The following BTF3L4 variants were observed in gnomAD, a reference collection of about 807,000 sequenced individuals.
BTF3L4 encodes the protein transcription factor BTF3 homolog 4.
Under a neutral mutation model 16.8 loss-of-function variants are expected in BTF3L4, and 6 were observed. The ratio of observed to expected loss-of-function variants is 0.36; its 90% CI spans 0.20 to 0.71. The LOEUF is 0.71. BTF3L4 is among the 30% of genes least tolerant of loss of function. BTF3L4 has a pLI of 0.58. For synonymous variants in BTF3L4, 39 were observed against 59.8 expected (o/e 0.65, Z 1.60); for missense variants, 92 against 186.9 (o/e 0.49, Z 2.96).
At chr1:52,073,174 C>A (rs1240818122) in intron 3 of BTF3L4, among the ~76,000 whole-genome samples, 2 of 152,190 alleles carry the variant, frequency 1.3e-5, no homozygotes, top group South Asian at 2.1e-4. Context: ...ATCCTAGCTA[C>A]TCAGAAGGCT....
At chr1:52,084,188 G>A (rs910568516) in intron 4 of BTF3L4, among the ~76,000 whole-genome samples, 1 of 152,042 alleles carries the variant, frequency 6.6e-6, no homozygotes, top group African/African-American at 2.4e-5. Context: ...CTCCCAGGCT[G>A]AAGTGCAGTG....
At chr1:52,071,587 G>A (rs1023409043) in intron 3 of BTF3L4, among the ~76,000 whole-genome samples, 3 of 152,226 alleles carry the variant, frequency 2.0e-5, no homozygotes, top group Non-Finnish European at 4.4e-5. Flanking sequence ...AGGTGGGATT[G>A]TTCTGCAGTA....
chr1:52,059,817 C>T lies in BTF3L4; in HGVS notation c.-13-18C>T. ...CGGCAAAAGAGTGACTTTAACAAAT[C>T]TATTTTTCCCCCCCTAGATTTACCA... On this transcript the variant is annotated intron_variant, in intron 1 of 5. Transcript: ENST00000313334. The T allele has an allele frequency of 6.2e-7, 1 of 1,611,830 alleles. No individual in the cohort carries two copies. Among genetic ancestry groups the T allele is most frequent in the Non-Finnish European group, 8.5e-7 (1 of 1,178,494 alleles).
intron 3 of BTF3L4, chr1:52,065,267 C>CT (rs1040675648): frequency 2.7e-3 from 376 of 141,316 alleles, no homozygotes; most frequent in South Asian, 0.011. Context: ...TGAGATAGAC[C>CT]TTTTTTTTTT....
chr1:52,067,023 G>A (rs1686669113), intron 3 of BTF3L4, among the ~76,000 whole-genome samples: 1 of 152,064 alleles, frequency 6.6e-6, no homozygotes, highest in South Asian at 2.1e-4. Flanking sequence ...GATCTTCTGA[G>A]GTCAGGAGTT....
rs182076775 is a variant in BTF3L4, at chr1:52,084,095, G to A, written c.370+554G>A. Among the ~76,000 whole-genome samples the A allele has an allele frequency of 4.6e-3, 700 of 151,872 alleles. 5 individuals are homozygous for A. Among genetic ancestry groups the A allele is most frequent in the Non-Finnish European group, 7.4e-3 (503 of 67,946 alleles). ...AAGTTGAGAAGTAATTACCTAAAAG[G>A]GTAGTGCCCAGATCTTCAGGCCATA... On this transcript the variant is annotated intron_variant, in intron 4 of 5. Coordinates refer to ENST00000313334, the MANE Select transcript of BTF3L4 (RefSeq NM_152265.5).
chr1:52,072,044 G>GTT (rs1686803915), intron 3 of BTF3L4, among the ~76,000 whole-genome samples: 1 of 116,614 alleles, frequency 8.6e-6, no homozygotes, highest in Admixed American at 8.7e-5. Flanking sequence ...TTTTTTTTTG[G>GTT]TTTTTTGTTT....
At chr1:52,058,758 C>G (rs370621208) in intron 1 of BTF3L4, among the ~76,000 whole-genome samples, 1 of 152,136 alleles carries the variant, frequency 6.6e-6, no homozygotes, top group African/African-American at 2.4e-5. Context: ...TGTGCCACCA[C>G]GCCCGGCTAA....
At chr1:52,059,382 T>C in intron 1 of BTF3L4, among the ~76,000 whole-genome samples, 1 of 152,182 alleles carries the variant, frequency 6.6e-6, no homozygotes, top group Non-Finnish European at 1.5e-5. Context: ...ATCTTTATGG[T>C]TTATAAGAAA....
At chr1:52,071,874 C>A (rs1686793810) in intron 3 of BTF3L4, among the ~76,000 whole-genome samples, 1 of 150,758 alleles carries the variant, frequency 6.6e-6, no homozygotes, top group Non-Finnish European at 1.5e-5. Flanking sequence ...CATTCCATAG[C>A]ATCCTTCTTT....
At chr1:52,078,189 A>T (rs980158513) in intron 3 of BTF3L4, among the ~76,000 whole-genome samples, 1 of 149,490 alleles carries the variant, frequency 6.7e-6, no homozygotes, top group African/African-American at 2.5e-5. Context: ...AGTAGCTAAG[A>T]CTATAGACAT....
Position 52,088,188 on chromosome 1 carries a change from CT to C in BTF3L4, c.*1434del, listed in dbSNP as rs1643989030. On this transcript the variant is annotated 3_prime_UTR_variant, in exon 6 of 6. Coordinates refer to ENST00000313334, the MANE Select transcript of BTF3L4 (RefSeq NM_152265.5). ...TACAGCTTAACCTTGCAGCTACCAA[CT>C]TTTGTGTCAAGCTAGATATCTTTAT... 6.6e-6 allele frequency: 1 copy of C among 152,590 alleles called. No homozygotes were observed. Among genetic ancestry groups the C allele is most frequent in the Non-Finnish European group, 1.5e-5 (1 of 68,030 alleles). The allele number at this position is 152,590 out of a possible 1,614,324, so 9.5% of individuals were successfully genotyped here. A position where few individuals can be genotyped will look rare whatever the true frequency, so the allele number is the denominator to read the frequency against.
At chr1:52,072,178 C>T (rs6695247) in intron 3 of BTF3L4, among the ~76,000 whole-genome samples, 139,495 of 151,334 alleles carry the variant, frequency 0.92, 65,150 homozygotes, top group Non-Finnish European at 1. Flanking sequence ...CCTCAGCCTC[C>T]CGAGTAGCTG....
intron 3 of BTF3L4, among the ~76,000 whole-genome samples, chr1:52,066,175 C>T (rs1171282264): frequency 1.3e-5 from 2 of 152,124 alleles, no homozygotes; most frequent in South Asian, 2.1e-4. Flanking sequence ...CCTAGATGCA[C>T]CTCTGCCTGA....
intron 4 of BTF3L4, among the ~76,000 whole-genome samples, chr1:52,085,367 GT>G (rs1467558521): frequency 2.8e-5 from 4 of 141,060 alleles, no homozygotes; most frequent in African/African-American, 1.1e-4. Context: ...TTGTTTGTTT[GT>G]TTTTTTGTTT....
In BTF3L4 at chr1:52,069,045, C is replaced by T. The variant is rs77912657; in HGVS notation, c.168+4107C>T. ...GTAGTTAATACACCTCACAACATCACGCAGAGAATTAATGCCACATAATAG... is the reference window on the plus strand; with the variant it reads ...GTAGTTAATACACCTCACAACATCATGCAGAGAATTAATGCCACATAATAG... On this transcript the variant is annotated intron_variant, in intron 3 of 5. Transcript: ENST00000313334. Among the ~76,000 whole-genome samples the T allele has an allele frequency of 5.3e-3, 809 of 152,238 alleles. 4 individuals are homozygous for T. The highest frequency in any genetic ancestry group is 8.1e-3 in the Non-Finnish European group (550 of 68,020).
intron 3 of BTF3L4, among the ~76,000 whole-genome samples, chr1:52,070,371 T>C (rs1182677889): frequency 3.3e-5 from 5 of 151,872 alleles, no homozygotes; most frequent in Admixed American, 1.3e-4. Context: ...TAATAAATTA[T>C]ATATAGGTTT....
intron 3 of BTF3L4, among the ~76,000 whole-genome samples, chr1:52,069,661 A>G (rs1572024670): frequency 1.3e-5 from 2 of 152,334 alleles, no homozygotes; most frequent in East Asian, 3.9e-4. Flanking sequence ...TTATTGTGAA[A>G]CAATATGATA....
At chr1:52,082,678 G>GCAGT (rs1297170877) in intron 3 of BTF3L4, among the ~76,000 whole-genome samples, 1 of 151,618 alleles carries the variant, frequency 6.6e-6, no homozygotes, top group East Asian at 1.9e-4. Flanking sequence ...GGCAGAGGCT[G>GCAGT]CAGTGAACCG....
Sources: gnomAD v4.1 joint callset for allele counts (sites outside exome capture counted in the v4.1 genomes callset) on GRCh38, gnomAD v4.1.1 for gene constraint, MANE v1.5 for transcripts, NCBI Gene and HGNC (gene_info 2026-07-23, HGNC 2026-07-21) for gene names.